Variants in CACNA1I observed in about 807,000 individuals in gnomAD.
CACNA1I encodes the protein calcium voltage-gated channel subunit alpha1 I, also known as voltage-dependent T-type calcium channel subunit alpha-1I.
In CACNA1I, 74 loss-of-function variants were observed where a neutral mutation model predicts 201.6. The observed-to-expected ratio is 0.37, with a 90% confidence interval of 0.30 to 0.45. The LOEUF (loss-of-function observed/expected upper bound fraction) is 0.45, where lower values mean the gene tolerates loss of function less well. Among genes scored for constraint, CACNA1I ranks in the 20% least tolerant of loss-of-function variants. The pLI is 1.00. For synonymous variants in CACNA1I, 1,431 were observed against 1,345.2 expected (o/e 1.06, Z -1.40); for missense variants, 2,346 against 3,138.1 (o/e 0.75, Z 6.03).
At chr22:39,610,048 G>A (rs925353880) in intron 3 of CACNA1I, among the ~76,000 whole-genome samples, 1 of 152,242 alleles carries the variant, frequency 6.6e-6, no homozygotes, top group Non-Finnish European at 1.5e-5. Flanking sequence ...GAAGCCTTTG[G>A]AGCTGGCCTT....
At chr22:39,645,747 C>T (rs1306503978) in intron 7 of CACNA1I, among the ~76,000 whole-genome samples, 1 of 152,324 alleles carries the variant, frequency 6.6e-6, no homozygotes, top group Non-Finnish European at 1.5e-5. Context: ...TCAGCAAATG[C>T]TGGGGAGGGG....
chr22:39,620,267 C>A (rs796575976), intron 4 of CACNA1I, among the ~76,000 whole-genome samples: 94 of 106,808 alleles, frequency 8.8e-4, no homozygotes, highest in African/African-American at 3.0e-3. Context: ...ATCCATCCAT[C>A]CATCCATCCA....
At position 39,679,426 on chromosome 22, in the gene CACNA1I, G is replaced by T; in HGVS notation, c.5375G>T (p.Arg1792Leu). ...GACACCGAGGGCGGCTTGTGCCGGC[G>T]CTGCTACTCGCCTGCCCAGGTGGGC... ...GGDTEGGLCR[R>L]CYSPAQENLW... The change falls in exon 32 of 37, where the codon CGC becomes CTC. Residue 1792 changes from arginine to leucine, a missense_variant. By Grantham distance (102) the Arg-to-Leu change is moderately radical. Coordinates refer to ENST00000402142, the MANE Select transcript of CACNA1I (RefSeq NM_021096.4). 1 of 1,425,310 alleles carries T rather than the reference G, an allele frequency of 7.0e-7. No individual in the cohort carries two copies. The highest frequency in any genetic ancestry group is 1.5e-5 in the South Asian group (1 of 65,132). 88.3% of individuals were successfully genotyped at this position (1,425,310 alleles called of 1,614,324 possible). A position where few individuals can be genotyped will look rare whatever the true frequency, so the allele number is the denominator to read the frequency against.
Position 39,629,332 on chromosome 22 carries a change from C to T in CACNA1I, c.581-5233C>T, listed in dbSNP as rs1933986657. Among the ~76,000 whole-genome samples, 1 of 152,128 alleles carries T rather than the reference C, an allele frequency of 6.6e-6. No individual in the cohort carries two copies. The highest frequency in any genetic ancestry group is 1.5e-5 in the Non-Finnish European group (1 of 68,020). On this transcript the variant is annotated intron_variant, in intron 4 of 36. Coordinates refer to ENST00000402142, the MANE Select transcript of CACNA1I (RefSeq NM_021096.4). This position sits in a 1 kb window ranked among gnomAD's most constrained non-coding sequence, Gnocchi z 4.8. ...CACATCTCCAGATGGAGCCCCACCC[C>T]CGCTGAAGGCCGCTCTGTGGCTCCA...
intron 15 of CACNA1I, 72 bp downstream of exon 15, chr22:39,660,509 A>G (rs1219435457): frequency 1.1e-5 from 11 of 1,011,972 alleles, no homozygotes; most frequent in Non-Finnish European, 1.6e-5. Context: ...CAGAGGGTAC[A>G]GCGTCTGACT....
intron 16 of CACNA1I, among the ~76,000 whole-genome samples, chr22:39,661,572 C>T (rs1935014620): frequency 6.6e-6 from 1 of 152,236 alleles, no homozygotes; most frequent in Non-Finnish European, 1.5e-5. Context: ...GTAAAAAGAG[C>T]TGGGCTTTGG....
At chr22:39,671,569 G>T (rs1397527159) in intron 26 of CACNA1I, among the ~76,000 whole-genome samples, 1 of 152,196 alleles carries the variant, frequency 6.6e-6, no homozygotes, top group African/African-American at 2.4e-5. Context: ...TATGTGAGGG[G>T]CATGTGAGGA....
At chr22:39,679,940 G>A (rs1935647236) in intron 33 of CACNA1I, 72 bp downstream of exon 33, 5 of 1,478,686 alleles carry the variant, frequency 3.4e-6, no homozygotes, top group South Asian at 2.5e-5. Context: ...GCCTGTCCGA[G>A]GGCAGAGCCT....
rs1416993031 is a variant in CACNA1I at position 39,666,440 on chromosome 22, A to G, written c.4104+434A>G. Among the ~76,000 whole-genome samples the G allele has an allele frequency of 6.6e-6, 1 of 152,130 alleles. No homozygotes were observed. Among genetic ancestry groups the G allele is most frequent in the Admixed American group, 6.5e-5 (1 of 15,282 alleles). On this transcript the variant is annotated intron_variant, in intron 23 of 36. Coordinates refer to ENST00000402142, the MANE Select transcript of CACNA1I (RefSeq NM_021096.4). The surrounding 1 kb of genome is among the most constrained non-coding windows in gnomAD (Gnocchi z 4.1). The stretch of plus-strand genomic sequence containing the variant: ...GCTGCGGTCGAGATGAAAGGATATC[A>G]AGCCCTTGGCCCGGGGTGGTACTCT...
Position 39,677,595 on chromosome 22 carries a change from C to T in CACNA1I, c.4933+176C>T, listed in dbSNP as rs992059211. 1.4e-4 allele frequency among the ~76,000 whole-genome samples: 21 copies of T among 152,200 alleles called. No homozygotes were observed. Among genetic ancestry groups the T allele is most frequent in the African/African-American group, 5.1e-4 (21 of 41,450 alleles). ...TCTCCCAGGAAAACTGCCCTCCCTACCCCGGTGTTGGTGCCTGTCCTGAGC... is the reference window on the plus strand; with the variant it reads ...TCTCCCAGGAAAACTGCCCTCCCTATCCCGGTGTTGGTGCCTGTCCTGAGC... On this transcript the variant is annotated intron_variant, in intron 30 of 36. Coordinates refer to ENST00000402142, the MANE Select transcript of CACNA1I (RefSeq NM_021096.4). This position sits in a 1 kb window ranked among gnomAD's most constrained non-coding sequence, Gnocchi z 4.8.
rs367909892 is a variant in CACNA1I, at chr22:39,684,291, T to C, written c.5831-11T>C. The C allele has an allele frequency of 4.5e-5, 73 of 1,612,732 alleles. No individual in the cohort carries two copies. The highest frequency in any genetic ancestry group is 5.7e-5 in the Non-Finnish European group (67 of 1,179,518). On this transcript the variant is annotated splice_polypyrimidine_tract_variant and intron_variant, in intron 35 of 36. Transcript: ENST00000402142. This position sits in a 1 kb window ranked among gnomAD's most constrained non-coding sequence, Gnocchi z 4.6. Reference sequence around the variant, plus strand: ...GTGCTCCCTCAGCTCTGTCTTCTCCTTTCCCAGCAGCACCCCCAAGTCCCT... The same window carrying C: ...GTGCTCCCTCAGCTCTGTCTTCTCCCTTCCCAGCAGCACCCCCAAGTCCCT...
intron 8 of CACNA1I, among the ~76,000 whole-genome samples, chr22:39,647,211 C>T (rs1473914959): frequency 6.6e-6 from 1 of 152,180 alleles, no homozygotes; most frequent in Non-Finnish European, 1.5e-5. Flanking sequence ...TCCTCAGTCT[C>T]GGAAAGCTAA....
intron 3 of CACNA1I, among the ~76,000 whole-genome samples, chr22:39,613,935 T>C (rs1264571030): frequency 6.6e-6 from 1 of 152,164 alleles, no homozygotes; most frequent in Non-Finnish European, 1.5e-5. Flanking sequence ...CCTCCTGGGT[T>C]CAAGCGATTC....
chr22:39,584,214 G>GTTTA (rs893312990), intron 1 of CACNA1I, among the ~76,000 whole-genome samples: 5 of 152,184 alleles, frequency 3.3e-5, no homozygotes, highest in African/African-American at 1.2e-4. Context: ...GAAAGGAAGG[G>GTTTA]TTTAGGTGGT....
chr22:39,610,982 G>T (rs559828937), intron 3 of CACNA1I, among the ~76,000 whole-genome samples: 1 of 152,078 alleles, frequency 6.6e-6, no homozygotes, highest in Non-Finnish European at 1.5e-5. Context: ...TAGGCCAGAC[G>T]GAGGTGAAGG....
intron 10 of CACNA1I, chr22:39,656,524 G>T: frequency 3.9e-6 from 2 of 511,328 alleles, no homozygotes; most frequent in Non-Finnish European, 7.9e-6. Context: ...ACTGGGCTTT[G>T]GCCCCAGAGC....
chr22:39,681,131 T>A (rs915987076), intron 34 of CACNA1I, 79 bp downstream of exon 34: 197 of 1,483,378 alleles, frequency 1.3e-4, no homozygotes, highest in Middle Eastern at 1.8e-4. Flanking sequence ...AGGACCCCCC[T>A]GTCTTTCCAG....
At position 39,603,907 on chromosome 22, in the gene CACNA1I, A is replaced by G. The variant is rs186271999; in HGVS notation, c.482+3254A>G. The stretch of plus-strand genomic sequence containing the variant: ...TATCTTTTGGGCAGAAATCACATAC[A>G]TCTCTGCCAGATAAAAATCTACAAG... On this transcript the variant is annotated intron_variant, in intron 3 of 36. Transcript: ENST00000402142. 1.2e-4 allele frequency among the ~76,000 whole-genome samples: 19 copies of G among 152,330 alleles called. No individual in the cohort carries two copies. The East Asian group carries it at 2.1e-3, about 17-fold the overall frequency.
At chr22:39,623,811 C>T (rs1305286761) in intron 4 of CACNA1I, among the ~76,000 whole-genome samples, 5 of 130,488 alleles carry the variant, frequency 3.8e-5, no homozygotes, top group Admixed American at 7.9e-5. Flanking sequence ...AGGGTGTGTA[C>T]GTGTCAAGAG....
Sources: gnomAD v4.1 joint callset for allele counts (sites outside exome capture counted in the v4.1 genomes callset) on GRCh38, gnomAD v4.1.1 for gene constraint, Gnocchi (gnomAD v3.1) non-coding constraint, MANE v1.5 for transcripts, NCBI Gene and HGNC (gene_info 2026-07-23, HGNC 2026-07-21) for gene names.